NAV2: variants seen among roughly 807,000 people sequenced by gnomAD.
NAV2 encodes helicase, APC down-regulated 1.
In NAV2, 54 loss-of-function variants were observed where a neutral mutation model predicts 223.2. That is an observed-to-expected ratio of 0.24 (90% CI 0.19 to 0.30). NAV2 has a LOEUF of 0.30. NAV2 is among the 10% of genes least tolerant of loss of function. The probability of loss-of-function intolerance (pLI) is 1.00; values close to 1 mark genes in which losing one functional copy is unlikely to be tolerated. For synonymous variants in NAV2, 1,279 were observed against 1,239.3 expected (o/e 1.03, Z -0.67); for missense variants, 2,806 against 3,147.5 (o/e 0.89, Z 2.60).
chr11:19,754,054 G>A (rs1315286363), intron 1 of NAV2, among the ~76,000 whole-genome samples: 2 of 152,178 alleles, frequency 1.3e-5, no homozygotes, highest in East Asian at 1.9e-4. Flanking sequence ...CAACAGAAAT[G>A]CTTGAATTTC....
chr11:20,097,011 G>A (rs1481350037), intron 30 of NAV2, among the ~76,000 whole-genome samples: 1 of 152,186 alleles, frequency 6.6e-6, no homozygotes, highest in East Asian at 1.9e-4. Context: ...TCACCTCCTA[G>A]TACATGGACC....
rs905437357 is a variant in NAV2 at position 20,074,187 on chromosome 11, T to G, written c.4984-3365T>G. On this transcript the variant is annotated intron_variant, in intron 22 of 37. Transcript: ENST00000349880. The stretch of plus-strand genomic sequence containing the variant: ...CTTTATTTCTGCCTTCATTTCCTTA[T>G]GTACCCAGTAGTCATTCAGGAGCAG... Among the ~76,000 whole-genome samples the G allele has an allele frequency of 2.6e-5, 4 of 152,252 alleles. 1 individual carries two copies. Among genetic ancestry groups the G allele is most frequent in the Non-Finnish European group, 5.9e-5 (4 of 68,044 alleles).
chr11:19,751,569 G>C lies in NAV2; in HGVS notation c.267+37607G>C, dbSNP rs183233922. Among the ~76,000 whole-genome samples the C allele has an allele frequency of 1.1e-4, 16 of 152,268 alleles. No homozygotes were observed. In the East Asian group the frequency reaches 2.1e-3, roughly 20 times the overall value. Reference sequence around the variant, plus strand: ...CAGGGCCGTTATTGTTGTTCCTGCTGTCTTAAATGCTTTTCCACCGATAAA... The same window carrying C: ...CAGGGCCGTTATTGTTGTTCCTGCTCTCTTAAATGCTTTTCCACCGATAAA... On this transcript the variant is annotated intron_variant, in intron 1 of 37. Coordinates refer to ENST00000349880, the MANE Select transcript of NAV2 (RefSeq NM_145117.5).
chr11:19,640,934 G>A lies in NAV2; in HGVS notation c.76-191550G>A, dbSNP rs114618157. The stretch of plus-strand genomic sequence containing the variant: ...AACCTGGGGACCCAGGACACCATTA[G>A]CGCTATACTTCCCCAAAGTCCCCAC... On this transcript the variant is annotated intron_variant, in intron 1 of 37. Transcript: ENST00000360655. 6.4e-3 allele frequency among the ~76,000 whole-genome samples: 979 copies of A among 152,302 alleles called. 8 individuals are homozygous for A. Among genetic ancestry groups the A allele is most frequent in the African/African-American group, 0.022 (927 of 41,552 alleles).
chr11:19,855,008 CA>C (rs1565433765), intron 3 of NAV2, among the ~76,000 whole-genome samples: 1 of 152,138 alleles, frequency 6.6e-6, no homozygotes, highest in Non-Finnish European at 1.5e-5. Context: ...TCATAGCTTA[CA>C]GAACACTTCC....
chr11:19,452,835 C>T (rs1272353296), intron 1 of NAV2, among the ~76,000 whole-genome samples: 1 of 152,112 alleles, frequency 6.6e-6, no homozygotes, highest in East Asian at 1.9e-4. Flanking sequence ...TATAATCAAA[C>T]CATTGTAAGT....
At chr11:19,385,867 G>T (rs1352959624) in intron 1 of NAV2, among the ~76,000 whole-genome samples, 1 of 150,432 alleles carries the variant, frequency 6.6e-6, no homozygotes, top group East Asian at 2.0e-4. Flanking sequence ...GTTCACGCCA[G>T]TCTCCTGCCT....
intron 1 of NAV2, among the ~76,000 whole-genome samples, chr11:19,541,329 G>A (rs2062759540): frequency 6.6e-6 from 1 of 152,184 alleles, no homozygotes; most frequent in Non-Finnish European, 1.5e-5. Context: ...CCCATGGCAG[G>A]GAGAAGACAA....
intron 1 of NAV2, among the ~76,000 whole-genome samples, chr11:19,481,633 T>C (rs2042283681): frequency 6.6e-6 from 1 of 152,240 alleles, no homozygotes; most frequent in Admixed American, 6.5e-5. Context: ...GAAGATTAAA[T>C]GAAATAATCC....
intron 1 of NAV2, among the ~76,000 whole-genome samples, chr11:19,418,734 C>A (rs1590169027): frequency 6.6e-6 from 1 of 152,074 alleles, no homozygotes; most frequent in Non-Finnish European, 1.5e-5. Context: ...TGGCTTGGGG[C>A]ATTTTTCTAA....
chr11:19,949,000 C>G lies in NAV2; in HGVS notation c.2565C>G (p.Gly855=). ...DKAGDEMDLE[G]ISMDAPGYMS... Reference sequence around the variant, plus strand: ...CAGGAGATGAGATGGACCTGGAAGGCATCAGCATGGATGCCCCCGGCTACA... The same window carrying G: ...CAGGAGATGAGATGGACCTGGAAGGGATCAGCATGGATGCCCCCGGCTACA... Residue 855 remains glycine, a synonymous_variant, in exon 10 of 38, where the codon GGC becomes GGG. Transcript: ENST00000349880. The G allele has an allele frequency of 6.2e-7, 1 of 1,613,866 alleles. No homozygotes were observed. The highest frequency in any genetic ancestry group is 8.5e-7 in the Non-Finnish European group (1 of 1,179,800).
chr11:19,860,173 A>ATCCC (rs2061655813), intron 3 of NAV2, among the ~76,000 whole-genome samples: 1 of 108,348 alleles, frequency 9.2e-6, no homozygotes, highest in African/African-American at 3.7e-5. Flanking sequence ...CGGGGGGCTG[A>ATCCC]CCCCCCACCT....
At position 19,823,024 on chromosome 11, in the gene NAV2, G is replaced by A. The variant is rs1406762416; in HGVS notation, c.268-9460G>A. On this transcript the variant is annotated intron_variant, in intron 1 of 37. Transcript: ENST00000349880. Reference sequence around the variant, plus strand: ...AGGGAAAAGTTCCAGCATGGCTCTTGCTTAAACAGTATGTGCTCTTACTTT... The same window carrying A: ...AGGGAAAAGTTCCAGCATGGCTCTTACTTAAACAGTATGTGCTCTTACTTT... 8.5e-5 allele frequency among the ~76,000 whole-genome samples: 13 copies of A among 152,090 alleles called. 1 individual carries two copies. Among genetic ancestry groups the A allele is most frequent in the Admixed American group, 8.5e-4 (13 of 15,268 alleles).
intron 1 of NAV2, among the ~76,000 whole-genome samples, chr11:19,757,593 G>C (rs1337806968): frequency 6.6e-6 from 1 of 152,174 alleles, no homozygotes; most frequent in African/African-American, 2.4e-5. Flanking sequence ...GTAAGATTCA[G>C]CAGCATGAAC....
rs547478558 is a variant in NAV2, at chr11:19,626,264, A to G, written c.76-206220A>G. ...TTCTTTTACATATCCAGTTTTCCCA[A>G]CACCATTTATTGAAGAGGGTGTCCT... is the stretch of plus-strand genomic sequence containing the variant. On this transcript the variant is annotated intron_variant, in intron 1 of 37. Transcript: ENST00000360655. Among the ~76,000 whole-genome samples the G allele has an allele frequency of 2.0e-5, 3 of 152,106 alleles. No individual in the cohort carries two copies. In the East Asian group the frequency reaches 5.8e-4, roughly 29 times the overall value.
At chr11:20,005,360 C>T (rs566390666) in intron 11 of NAV2, among the ~76,000 whole-genome samples, 1 of 151,398 alleles carries the variant, frequency 6.6e-6, no homozygotes, top group Non-Finnish European at 1.5e-5. Flanking sequence ...ATTCTCCTCT[C>T]TCAACCTCCT....
chr11:19,774,941 A>G (rs2056335796), intron 1 of NAV2, among the ~76,000 whole-genome samples: 2 of 152,152 alleles, frequency 1.3e-5, no homozygotes, highest in Admixed American at 1.3e-4. Flanking sequence ...TAGATCGTAA[A>G]TGTTGTGGCT....
At chr11:19,970,602 T>C (rs1169755338) in intron 10 of NAV2, among the ~76,000 whole-genome samples, 1 of 152,164 alleles carries the variant, frequency 6.6e-6, no homozygotes, top group Non-Finnish European at 1.5e-5. Flanking sequence ...GAAATAATAA[T>C]AACAGAGCTA....
chr11:19,958,470 C>G (rs528822902), intron 10 of NAV2, among the ~76,000 whole-genome samples: 84 of 152,258 alleles, frequency 5.5e-4, no homozygotes, highest in Non-Finnish European at 1.1e-3. Context: ...CACAAACACC[C>G]TTACCATAAG....
Sources: gnomAD v4.1 joint callset for allele counts (sites outside exome capture counted in the v4.1 genomes callset) on GRCh38, gnomAD v4.1.1 for gene constraint, MANE v1.5 for transcripts, NCBI Gene and HGNC (gene_info 2026-07-23, HGNC 2026-07-21) for gene names.